The following KLB variants were observed in gnomAD, a reference collection of about 807,000 sequenced individuals.
KLB encodes the protein klotho beta, also known as beta-klotho.
A neutral mutation model predicts 88.4 loss-of-function variants in KLB; 44 were observed. The ratio of observed to expected loss-of-function variants is 0.50; its 90% CI spans 0.39 to 0.64. KLB has a LOEUF of 0.64. Among genes scored for constraint, KLB ranks in the 30% least tolerant of loss-of-function variants. The pLI is 0.00. For missense variants in KLB, 1,137 were observed against 1,304.8 expected, an observed-to-expected ratio of 0.87 and a Z score of 1.98; for synonymous variants, 548 against 513.4, an observed-to-expected ratio of 1.07 and a Z score of -0.91.
At position 39,447,006 on chromosome 4, in the gene KLB, G is replaced by A. The variant is rs1190902378; in HGVS notation, c.2280G>A (p.Ala760=). Reference sequence around the variant, plus strand: ...CCTATGCTGACTCGCACTGGAGGGCGGCCGAGCGCTTCCTGCAGTTCGAGA... The same window carrying A: ...CCTATGCTGACTCGCACTGGAGGGCAGCCGAGCGCTTCCTGCAGTTCGAGA... ...ANPYADSHWR[A]AERFLQFEIA... is the part of the protein sequence containing the mutation. Residue 760 remains alanine, a synonymous_variant, in exon 4 of 5, where the codon GCG becomes GCA. Transcript: ENST00000257408. 3 of 1,610,260 alleles carry A rather than the reference G, an allele frequency of 1.9e-6. No homozygotes were observed. Among genetic ancestry groups the A allele is most frequent in the South Asian group, 1.1e-5 (1 of 91,080 alleles).
Position 39,446,561 on chromosome 4 carries a change from T to G in KLB, c.1835T>G (p.Leu612Arg), listed in dbSNP as rs768164409. ...DWASVLPTGN[L>R]SAVNRQALRY... ...GCCTCGGTCCTTCCCACTGGCAACC[T>G]GTCCGCGGTGAACCGACAGGCCCTG... The change falls in exon 4 of 5, where the codon CTG (leucine) becomes CGG (arginine). Residue 612 changes from leucine (L) to arginine (R), a missense_variant. Transcript: ENST00000257408. This position sits in a 1 kb window ranked among gnomAD's most constrained non-coding sequence, Gnocchi z 6.4. The G allele has an allele frequency of 6.2e-6, 10 of 1,614,128 alleles. No individual in the cohort carries two copies. In the Admixed American group the frequency reaches 8.3e-5, roughly 13 times the overall value.
intron 1 of KLB, chr4:39,411,920 G>A (rs182360991): frequency 9.9e-5 from 15 of 151,618 alleles, no homozygotes; most frequent in African/African-American, 3.6e-4. Context: ...TGGGAGCTAA[G>A]CTATGGGTAT....
At chr4:39,445,492 A>T (rs1242237765) in intron 3 of KLB, among the ~76,000 whole-genome samples, 1 of 143,264 alleles carries the variant, frequency 7.0e-6, no homozygotes, top group Non-Finnish European at 1.5e-5. Context: ...TTATCACTTG[A>T]ACTTTTCTTT....
intron 3 of KLB, among the ~76,000 whole-genome samples, chr4:39,439,671 T>G (rs1051901532): frequency 2.0e-4 from 30 of 151,874 alleles, no homozygotes; most frequent in African/African-American, 7.0e-4. Flanking sequence ...TTTCTTTTTT[T>G]TTTTTGGAGA....
At chr4:39,431,095 T>G (rs1442398773) in intron 1 of KLB, among the ~76,000 whole-genome samples, 1 of 120,148 alleles carries the variant, frequency 8.3e-6, no homozygotes, top group Non-Finnish European at 1.7e-5. Context: ...TTTTGTATTT[T>G]TTTTTTTTTT....
intron 1 of KLB, among the ~76,000 whole-genome samples, chr4:39,430,409 G>GAAAA (rs4008368): frequency 2.2e-5 from 3 of 134,082 alleles, no homozygotes; most frequent in South Asian, 2.4e-4. Flanking sequence ...TTTCTAATTA[G>GAAAA]AAAAAAAAAA....
chr4:39,418,235 G>A (rs1393283868), intron 1 of KLB, among the ~76,000 whole-genome samples: 1 of 152,030 alleles, frequency 6.6e-6, no homozygotes, highest in Non-Finnish European at 1.5e-5. Flanking sequence ...GTGTGCCCTT[G>A]ACAATATCTT....
intron 1 of KLB, among the ~76,000 whole-genome samples, chr4:39,415,636 C>T (rs1398243609): frequency 6.6e-6 from 1 of 151,954 alleles, no homozygotes; most frequent in Non-Finnish European, 1.5e-5. Context: ...GTGTTATTAG[C>T]ATTTAAAATA....
intron 1 of KLB, among the ~76,000 whole-genome samples, chr4:39,411,113 G>C (rs1249224365): frequency 6.6e-6 from 1 of 152,118 alleles, no homozygotes; most frequent in Non-Finnish European, 1.5e-5. Flanking sequence ...GAGTGCAGTG[G>C]CACAATCTTG....
chr4:39,446,187 T>C lies in KLB; in HGVS notation c.1606-145T>C. ...TGGGTGTGGCTCCTTCTCTGTTTTCTGGTCTCCTTGGGAGATTTCAAGGGC... is the reference window on the plus strand; with the variant it reads ...TGGGTGTGGCTCCTTCTCTGTTTTCCGGTCTCCTTGGGAGATTTCAAGGGC... On this transcript the variant is annotated intron_variant, in intron 3 of 4. Coordinates refer to ENST00000257408, the MANE Select transcript of KLB (RefSeq NM_175737.4). The surrounding 1 kb of genome is among the most constrained non-coding windows in gnomAD (Gnocchi z 6.4). 1 of 685,250 alleles carries C rather than the reference T, an allele frequency of 1.5e-6. No individual in the cohort carries two copies. The highest frequency in any genetic ancestry group is 2.4e-6 in the Non-Finnish European group (1 of 416,140). 42.4% of individuals were successfully genotyped at this position (685,250 alleles called of 1,614,324 possible).
rs372258323 is a variant in KLB, at chr4:39,407,038, T to G, written c.89T>G (p.Met30Arg). 2 of 1,613,978 alleles carry G rather than the reference T, an allele frequency of 1.2e-6. No homozygotes were observed. Among genetic ancestry groups the G allele is most frequent in the African/African-American group, 2.7e-5 (2 of 74,934 alleles). The change falls in exon 1 of 5, where the codon ATG becomes AGG. Residue 30 changes from methionine (M) to arginine (R), a missense_variant. Physicochemically the swap from Met to Arg is moderately conservative, Grantham distance 91. This residue lies in a region of KLB where 111 missense variants were observed against 118.3 expected (regional missense o/e 0.94). Coordinates refer to ENST00000257408, the MANE Select transcript of KLB (RefSeq NM_175737.4). Reference protein sequence around the residue: ...DEITTRYRNTMSNGGLQRSVI... With the variant: ...DEITTRYRNTRSNGGLQRSVI... ...ATAACCACACGCTATAGGAATACAA[T>G]GTCCAACGGGGGATTGCAAAGATCT...
chr4:39,416,561 G>C (rs1742968032), intron 1 of KLB, among the ~76,000 whole-genome samples: 1 of 152,124 alleles, frequency 6.6e-6, no homozygotes, highest in South Asian at 2.1e-4. Flanking sequence ...CAGGAGGATT[G>C]CTTGACTCCA....
At chr4:39,412,091 A>C (rs1471574776) in intron 1 of KLB, 1 of 151,994 alleles carries the variant, frequency 6.6e-6, no homozygotes, top group Admixed American at 6.6e-5. Context: ...GTAAGGGATA[A>C]AAAAACTGCA....
chr4:39,407,874 C>T (rs1043404073), intron 1 of KLB, 100 bp downstream of exon 1: 2 of 678,220 alleles, frequency 2.9e-6, no homozygotes, highest in African/African-American at 3.5e-5. Flanking sequence ...ATCAAGGCAA[C>T]TGATTTTAAG....
intron 1 of KLB, among the ~76,000 whole-genome samples, chr4:39,424,720 A>C (rs1053105283): frequency 6.9e-6 from 1 of 144,310 alleles, no homozygotes; most frequent in Admixed American, 6.8e-5. Context: ...CAACCTTTGC[A>C]TCCCGGGTTC....
chr4:39,438,380 C>T (rs1240251963), intron 3 of KLB, among the ~76,000 whole-genome samples: 5 of 152,152 alleles, frequency 3.3e-5, no homozygotes, highest in African/African-American at 1.2e-4. Context: ...TTAACTGATT[C>T]TTGCTGTTTC....
At chr4:39,440,555 T>C (rs753378141) in intron 3 of KLB, among the ~76,000 whole-genome samples, 4 of 152,204 alleles carry the variant, frequency 2.6e-5, no homozygotes, top group Admixed American at 6.5e-5. Flanking sequence ...GTTATGAATC[T>C]CAACCCCTGT....
intron 1 of KLB, among the ~76,000 whole-genome samples, chr4:39,430,684 T>C (rs1743337786): frequency 7.0e-6 from 1 of 142,124 alleles, no homozygotes; most frequent in South Asian, 2.3e-4. Context: ...CGCTGCAACC[T>C]CCGCCTCCTG....
intron 1 of KLB, among the ~76,000 whole-genome samples, chr4:39,413,202 G>T (rs1742892503): frequency 6.6e-6 from 1 of 151,976 alleles, no homozygotes; most frequent in South Asian, 2.1e-4. Context: ...AATGTATTTG[G>T]CCTATGCAGC....
Sources: allele counts gnomAD v4.1 joint callset (sites outside exome capture counted in the v4.1 genomes callset), GRCh38; gene constraint gnomAD v4.1.1; regional missense constraint gnomAD v4.1.1; non-coding constraint Gnocchi (gnomAD v3.1); transcripts MANE v1.5; gene names NCBI Gene and HGNC (gene_info 2026-07-23, HGNC 2026-07-21).